Variants in NDUFS1 observed in about 807,000 individuals in gnomAD.
NDUFS1 encodes the protein NADH-ubiquinone oxidoreductase 75 kDa subunit, mitochondrial.
In NDUFS1, 61 loss-of-function variants were observed where a neutral mutation model predicts 84.4. The observed-to-expected ratio is 0.72, with a 90% CI of 0.59 to 0.89. The LOEUF (loss-of-function observed/expected upper bound fraction) is 0.89. NDUFS1 is among the 40% of genes least tolerant of loss of function. The pLI is 0.00. For missense variants in NDUFS1, 891 were observed against 890.0 expected, an observed-to-expected ratio of 1.00 and a Z score of -0.01; for synonymous variants, 275 against 290.0, an observed-to-expected ratio of 0.95 and a Z score of 0.53.
intron 5 of NDUFS1, 32 bp from the exon 6 acceptor site, chr2:206,147,866 C>T (rs1217571518): frequency 1.9e-6 from 3 of 1,556,834 alleles, no homozygotes; most frequent in African/African-American, 2.7e-5. Context: ...TAAAATGACT[C>T]TCAAATACAC....
chr2:206,139,833 G>A (rs1575970082), intron 12 of NDUFS1, among the ~76,000 whole-genome samples: 11 of 85,548 alleles, frequency 1.3e-4, no homozygotes, highest in African/African-American at 2.7e-4. Flanking sequence ...AAATTTAAAA[G>A]ACAGAAAGCA....
intron 1 of NDUFS1, among the ~76,000 whole-genome samples, chr2:206,155,018 C>T (rs1576001344): frequency 6.6e-6 from 1 of 151,396 alleles, no homozygotes; most frequent in Non-Finnish European, 1.5e-5. Flanking sequence ...TAACCTCTGC[C>T]TCCTGGGTTC....
intron 14 of NDUFS1, among the ~76,000 whole-genome samples, chr2:206,130,877 T>C (rs1691486295): frequency 6.6e-6 from 1 of 152,154 alleles, no homozygotes; most frequent in African/African-American, 2.4e-5. Context: ...TGATAAGTCA[T>C]ATATATTCAA....
At position 206,153,805 on chromosome 2, in the gene NDUFS1, A is replaced by G. The variant is rs1692467727; in HGVS notation, c.-4-123T>C. On this transcript the variant is annotated intron_variant, in intron 1 of 18. Transcript: ENST00000233190. ...TGTCATTGAACACTCATAGGTTCTG[A>G]TATTTTCACTTAGTCTGTAGATGAG... 4 of 646,822 alleles carry G rather than the reference A, an allele frequency of 6.2e-6. No individual in the cohort carries two copies. In the South Asian group the frequency reaches 6.9e-5, roughly 11 times the overall value. 40.1% of individuals were successfully genotyped at this position (646,822 alleles called of 1,614,324 possible). A position where few individuals can be genotyped will look rare whatever the true frequency, so the allele number is the denominator to read the frequency against.
chr2:206,154,618 ATTTGTTTTTG>A (rs1687561134), intron 1 of NDUFS1, among the ~76,000 whole-genome samples: 1 of 152,238 alleles, frequency 6.6e-6, no homozygotes, highest in African/African-American at 2.4e-5. Context: ...ACTTCTTTTT[ATTTGTTTTTG>A]TTTGTTTGTT....
chr2:206,130,373 G>A (rs1691464399), intron 14 of NDUFS1, 131 bp from the exon 15 acceptor site: 3 of 1,200,472 alleles, frequency 2.5e-6, no homozygotes, highest in African/African-American at 1.6e-5. Flanking sequence ...TTTTTTCTCG[G>A]CGATAGAGTC....
At chr2:206,141,412 G>A (rs1376146424) in intron 12 of NDUFS1, among the ~76,000 whole-genome samples, 2 of 151,626 alleles carry the variant, frequency 1.3e-5, no homozygotes, top group Non-Finnish European at 2.9e-5. Context: ...GGCGCCTGTA[G>A]TCCCAGCTAC....
chr2:206,147,754 T>A lies in NDUFS1; in HGVS notation c.419A>T (p.Gln140Leu). 6.2e-7 allele frequency: 1 copy of A among 1,614,040 alleles called. No individual in the cohort carries two copies. Among genetic ancestry groups the A allele is most frequent in the Non-Finnish European group, 8.5e-7 (1 of 1,179,930 alleles). ...ICDQGGECDL[Q>L]DQSMMFGNDR... ...GATTGACAGAATTCTACTACATACC[T>A]GCAGATCACATTCACCTCCCTGGTC... The change falls in exon 6 of 19, where the codon CAG (glutamine) becomes CTG (leucine). Residue 140 changes from glutamine (Q) to leucine (L), a missense_variant and splice_region_variant. Physicochemically the swap from Gln to Leu is moderately radical, Grantham distance 113. Transcript: ENST00000233190.
chr2:206,159,220 G>A, intron 1 of NDUFS1, 121 bp downstream of exon 1: 3 of 1,379,956 alleles, frequency 2.2e-6, no homozygotes, highest in East Asian at 2.5e-5. Context: ...GGCGGGGCGG[G>A]AGGCGGCGCC....
At chr2:206,130,051 A>G in intron 15 of NDUFS1, 37 bp downstream of exon 15, 3 of 1,608,988 alleles carry the variant, frequency 1.9e-6, no homozygotes, top group Non-Finnish European at 2.6e-6. Context: ...ATAATGTACT[A>G]CTCTCTTTTG....
At chr2:206,144,835 T>C in intron 9 of NDUFS1, 57 bp downstream of exon 9, 2 of 1,544,236 alleles carry the variant, frequency 1.3e-6, no homozygotes, top group South Asian at 1.2e-5. Flanking sequence ...TTCAAAATTA[T>C]TATAAAATTT....
At chr2:206,149,602 G>A (rs1223243431) in intron 4 of NDUFS1, among the ~76,000 whole-genome samples, 1 of 111,160 alleles carries the variant, frequency 9.0e-6, no homozygotes, top group African/African-American at 4.2e-5. Flanking sequence ...TTCTAGATAT[G>A]TTACAATTAT....
At position 206,144,125 on chromosome 2, in the gene NDUFS1, A is replaced by T. The variant is rs1692071784; in HGVS notation, c.880T>A (p.Tyr294Asn). Residue 294 changes from tyrosine to asparagine, a missense_variant, in exon 10 of 19, where the codon TAT becomes AAT. Coordinates refer to ENST00000233190, the MANE Select transcript of NDUFS1 (RefSeq NM_005006.7). The part of the protein sequence containing the change: ...EWISDKTRFA[Y>N]DGLKRQRLTE... ...AGTCTTTGACGTTTTAGCCCATCAT[A>T]GGCAAATCTAGAAAACAGAAATTAC... is the stretch of plus-strand genomic sequence containing the variant. The T allele has an allele frequency of 1.6e-5, 25 of 1,611,442 alleles. No homozygotes were observed. Among genetic ancestry groups the T allele is most frequent in the Non-Finnish European group, 2.1e-5 (25 of 1,177,558 alleles).
rs1383214407 is a variant in NDUFS1, at chr2:206,117,196, A to G, written c.*6989T>C. On this transcript the variant is annotated 3_prime_UTR_variant, in exon 19 of 19. Transcript: ENST00000233190. The stretch of plus-strand genomic sequence containing the variant: ...GTGACAGAGTTGCCTCAATCAGTCA[A>G]TCAATCAACCCATCACCCAGTCTGT... 1 of 152,020 alleles carries G rather than the reference A, an allele frequency of 6.6e-6. No homozygotes were observed. Among genetic ancestry groups the G allele is most frequent in the Non-Finnish European group, 1.5e-5 (1 of 68,082 alleles). The allele number at this position is 152,020 out of a possible 1,614,324, so 9.4% of individuals were successfully genotyped here.
chr2:206,142,752 T>C lies in NDUFS1; in HGVS notation c.1067A>G (p.Asp356Gly), dbSNP rs758335337. 1.9e-6 allele frequency: 3 copies of C among 1,614,032 alleles called. No individual in the cohort carries two copies. Among genetic ancestry groups the C allele is most frequent in the Non-Finnish European group, 1.7e-6 (2 of 1,180,034 alleles). ...VDAEALVALKDLLNRVDSDTL... is the reference protein window; with the variant it reads ...VDAEALVALKGLLNRVDSDTL... ...GTCAGAGTCCACTCTATTAAGCAAA[T>C]CTTTGAGAGCTACCAGGGCTTCAGC... The change falls in exon 11 of 19, where the codon GAT becomes GGT. Residue 356 changes from aspartate to glycine, a missense_variant. Physicochemically the swap from Asp to Gly is moderately conservative, Grantham distance 94. Transcript: ENST00000233190.
intron 1 of NDUFS1, 112 bp from the exon 2 acceptor site, chr2:206,153,794 C>T (rs1246411911): frequency 1.5e-6 from 1 of 665,810 alleles, no homozygotes; most frequent in African/African-American, 1.8e-5. Flanking sequence ...ATTGAACACT[C>T]ATAGGTTCTG....
chr2:206,156,866 C>T (rs1401689258), intron 1 of NDUFS1, among the ~76,000 whole-genome samples: 1 of 152,122 alleles, frequency 6.6e-6, no homozygotes, highest in Non-Finnish European at 1.5e-5. Context: ...AGGAGGAAAA[C>T]AATACTTCCT....
intron 8 of NDUFS1, 53 bp downstream of exon 8, chr2:206,146,850 G>C: frequency 6.6e-7 from 1 of 1,506,924 alleles, no homozygotes; most frequent in Non-Finnish European, 9.2e-7. Context: ...ATATTTTTTT[G>C]AATAGTAATG....
intron 9 of NDUFS1, among the ~76,000 whole-genome samples, chr2:206,144,647 A>G (rs1692089647): frequency 6.6e-6 from 1 of 152,174 alleles, no homozygotes; most frequent in African/African-American, 2.4e-5. Flanking sequence ...ATAAGTTGAG[A>G]ATGTATCAAT....
Sources: allele counts gnomAD v4.1 joint callset (sites outside exome capture counted in the v4.1 genomes callset), GRCh38; gene constraint gnomAD v4.1.1; transcripts MANE v1.5; gene names NCBI Gene and HGNC (gene_info 2026-07-23, HGNC 2026-07-21).